Variants in ZFPM2 observed in about 807,000 individuals in gnomAD.
ZFPM2 encodes zinc finger protein ZFPM2.
A neutral mutation model predicts 98.6 loss-of-function variants in ZFPM2; 20 were observed. The observed-to-expected ratio is 0.20, with a 90% CI of 0.14 to 0.29. The LOEUF is 0.29. Ranked by LOEUF, ZFPM2 falls within the 10% of genes least tolerant of loss-of-function variation. The pLI, the probability that ZFPM2 is intolerant of heterozygous loss-of-function variation, is 1.00. For missense variants in ZFPM2, 1,310 were observed against 1,388.6 expected, an observed-to-expected ratio of 0.94 and a Z score of 0.90; for synonymous variants, 518 against 502.7, an observed-to-expected ratio of 1.03 and a Z score of -0.41.
Position 105,420,821 on chromosome 8 carries a change from CA to C in ZFPM2, c.199+1521del, listed in dbSNP as rs1468901896. On this transcript the variant is annotated intron_variant, in intron 2 of 7. Coordinates refer to ENST00000407775, the MANE Select transcript of ZFPM2 (RefSeq NM_012082.4). ...AGACCTACCTTATGTTGTGATGTTGCAATAAAGAGAGGAATTGAGAGTTAGA... is the reference window on the plus strand; with the variant it reads ...AGACCTACCTTATGTTGTGATGTTGCATAAAGAGAGGAATTGAGAGTTAGA... Among the ~76,000 whole-genome samples the C allele has an allele frequency of 2.0e-5, 3 of 151,824 alleles. No homozygotes were observed. The East Asian group carries it at 5.8e-4, about 29-fold the overall frequency.
At chr8:105,791,957 T>G (rs1813626288) in intron 6 of ZFPM2, among the ~76,000 whole-genome samples, 2 of 152,228 alleles carry the variant, frequency 1.3e-5, no homozygotes, top group Admixed American at 6.5e-5. Context: ...CATTTTTTAT[T>G]GCGTCTATTT....
intron 1 of ZFPM2, among the ~76,000 whole-genome samples, chr8:105,366,523 TA>T (rs1810515855): frequency 6.6e-6 from 1 of 151,870 alleles, no homozygotes; most frequent in African/African-American, 2.4e-5. Context: ...TTATTATTAT[TA>T]TTTTTTAATT....
intron 5 of ZFPM2, among the ~76,000 whole-genome samples, chr8:105,674,556 T>A (rs1817653561): frequency 6.6e-6 from 1 of 152,176 alleles, no homozygotes; most frequent in African/African-American, 2.4e-5. Flanking sequence ...GCCTTTTTGT[T>A]CCGTACCTTG....
chr8:105,749,711 A>G (rs1812433611), intron 5 of ZFPM2, among the ~76,000 whole-genome samples: 1 of 151,942 alleles, frequency 6.6e-6, no homozygotes, highest in Non-Finnish European at 1.5e-5. Context: ...AGGTCAAAGA[A>G]GAGAAGGAGA....
intron 3 of ZFPM2, among the ~76,000 whole-genome samples, chr8:105,490,116 G>A (rs1186384581): frequency 2.0e-5 from 3 of 151,888 alleles, no homozygotes; most frequent in African/African-American, 7.3e-5. Flanking sequence ...GCGTGGTGGC[G>A]GGCACCTGTA....
intron 1 of ZFPM2, among the ~76,000 whole-genome samples, chr8:105,332,183 A>G (rs1004254470): frequency 4.0e-5 from 6 of 151,598 alleles, no homozygotes; most frequent in Non-Finnish European, 7.4e-5. Context: ...TCACATGTCA[A>G]TTGTTCAGAA....
chr8:105,646,108 A>C (rs1461276963), intron 5 of ZFPM2, among the ~76,000 whole-genome samples: 1 of 151,398 alleles, frequency 6.6e-6, no homozygotes, highest in Admixed American at 6.6e-5. Flanking sequence ...AATGAGCTTC[A>C]TGCTTCTCTA....
intron 3 of ZFPM2, among the ~76,000 whole-genome samples, chr8:105,520,621 A>G (rs1433794391): frequency 2.6e-5 from 4 of 152,112 alleles, no homozygotes; most frequent in African/African-American, 9.7e-5. Context: ...AGGCACGTGC[A>G]TAGGAGCAGA....
chr8:105,330,599 T>TATATATAC (rs1554595009), intron 1 of ZFPM2, among the ~76,000 whole-genome samples: 2,747 of 39,766 alleles, frequency 0.069, 145 homozygotes, highest in African/African-American at 0.21. Context: ...TATATACATA[T>TATATATAC]ATATATATAT....
At chr8:105,448,288 G>T (rs377157094) in intron 3 of ZFPM2, among the ~76,000 whole-genome samples, 20 of 151,888 alleles carry the variant, frequency 1.3e-4, no homozygotes, top group East Asian at 9.6e-4. Context: ...TTTTTCATCT[G>T]TCTTTGCCTA....
intron 5 of ZFPM2, among the ~76,000 whole-genome samples, chr8:105,773,525 A>G (rs929016958): frequency 7.9e-5 from 12 of 152,076 alleles, no homozygotes; most frequent in Admixed American, 3.9e-4. Context: ...AAATCCTTTC[A>G]GCTAAGGAAT....
intron 4 of ZFPM2, among the ~76,000 whole-genome samples, chr8:105,568,927 T>C (rs922055450): frequency 3.3e-5 from 5 of 152,214 alleles, no homozygotes; most frequent in Admixed American, 2.0e-4. Context: ...CCATTTTTTT[T>C]CCACATCCGT....
chr8:105,332,488 T>C (rs1481809255), intron 1 of ZFPM2, among the ~76,000 whole-genome samples: 1 of 151,788 alleles, frequency 6.6e-6, no homozygotes, highest in Admixed American at 6.6e-5. Context: ...GAAAAGATTG[T>C]TACCTATATG....
chr8:105,561,231 C>G, intron 3 of ZFPM2, 132 bp from the exon 4 acceptor site: 2 of 713,436 alleles, frequency 2.8e-6, no homozygotes, highest in South Asian at 3.5e-5. Flanking sequence ...AGTTGTTTTT[C>G]AGACAAGCAT....
At chr8:105,800,229 A>T (rs1813960486) in intron 7 of ZFPM2, among the ~76,000 whole-genome samples, 1 of 152,220 alleles carries the variant, frequency 6.6e-6, no homozygotes, top group South Asian at 2.1e-4. Context: ...GTCTTATTCT[A>T]GTCCAGAGTA....
rs779879412 is a variant in ZFPM2, at chr8:105,444,260, C to A, written c.200-20C>A. Reference sequence around the variant, plus strand: ...GAGCTTTGCTCATTTTCTTTCTCTCCTTGTGTTGGTGTTTTCCAGGTGATG... The same window carrying A: ...GAGCTTTGCTCATTTTCTTTCTCTCATTGTGTTGGTGTTTTCCAGGTGATG... On this transcript the variant is annotated intron_variant, in intron 2 of 7. Transcript: ENST00000407775. The A allele has an allele frequency of 1.9e-6, 3 of 1,588,592 alleles. No homozygotes were observed. The highest frequency in any genetic ancestry group is 1.7e-5 in the Admixed American group (1 of 58,018).
chr8:105,334,172 G>GGT (rs1812285377), intron 1 of ZFPM2, among the ~76,000 whole-genome samples: 1 of 148,578 alleles, frequency 6.7e-6, no homozygotes, highest in South Asian at 2.1e-4. Flanking sequence ...TGGGGGGAGG[G>GGT]GTTTGGGGCC....
At chr8:105,787,923 TTC>T (rs1250551301) in intron 5 of ZFPM2, among the ~76,000 whole-genome samples, 1 of 152,236 alleles carries the variant, frequency 6.6e-6, no homozygotes, top group African/African-American at 2.4e-5. Context: ...TAGTTAATTT[TTC>T]TTTTTAATGC....
In ZFPM2 at chr8:105,495,411, C is replaced by T. The variant is rs1586414883; in HGVS notation, c.301+51030C>T. Among the ~76,000 whole-genome samples the T allele has an allele frequency of 2.0e-5, 3 of 152,134 alleles. No individual in the cohort carries two copies. In the South Asian group the frequency reaches 6.2e-4, roughly 31 times the overall value. ...ACAGTATAATTTAAAAAAAATTTTG[C>T]TCCCTTGATACAGGAAAGAATGAAT... On this transcript the variant is annotated intron_variant, in intron 3 of 7. Coordinates refer to ENST00000407775, the MANE Select transcript of ZFPM2 (RefSeq NM_012082.4).
Sources: gnomAD v4.1 joint callset for allele counts (sites outside exome capture counted in the v4.1 genomes callset) on GRCh38, gnomAD v4.1.1 for gene constraint, MANE v1.5 for transcripts, NCBI Gene and HGNC (gene_info 2026-07-23, HGNC 2026-07-21) for gene names.